KIF16B: variants seen among roughly 807,000 people sequenced by gnomAD.
KIF16B encodes the protein kinesin family member 16B.
In KIF16B, 98 loss-of-function variants were observed where a neutral mutation model predicts 156.3. That is an observed-to-expected ratio of 0.63 (90% CI 0.53 to 0.74). The LOEUF is 0.74. Ranked by LOEUF, KIF16B falls within the 30% of genes least tolerant of loss-of-function variation. The pLI is 0.00. For missense variants in KIF16B, 1,421 were observed against 1,606.5 expected (o/e 0.88, Z 1.97); for synonymous variants, 564 against 583.7 (o/e 0.97, Z 0.49).
chr20:16,505,533 A>T (rs1029880852), intron 9 of KIF16B, among the ~76,000 whole-genome samples, 189 bp downstream of exon 9: 1 of 152,268 alleles, frequency 6.6e-6, no homozygotes, highest in African/African-American at 2.4e-5. Flanking sequence ...GTGGTATAAC[A>T]GTTAATGATG....
At chr20:16,531,644 C>T (rs1488610399) in intron 1 of KIF16B, among the ~76,000 whole-genome samples, 2 of 152,054 alleles carry the variant, frequency 1.3e-5, no homozygotes, top group Admixed American at 6.6e-5. Context: ...GTGGGGGAAT[C>T]GGTAAAATCC....
intron 25 of KIF16B, among the ~76,000 whole-genome samples, chr20:16,276,724 C>T (rs554608292): frequency 3.9e-5 from 6 of 152,116 alleles, no homozygotes; most frequent in Non-Finnish European, 8.8e-5. Flanking sequence ...CAGCTGGGGA[C>T]ACAAGACAGA....
chr20:16,286,972 C>T (rs1280592197), intron 25 of KIF16B, among the ~76,000 whole-genome samples: 1 of 152,182 alleles, frequency 6.6e-6, no homozygotes, highest in East Asian at 1.9e-4. Flanking sequence ...AAAATGCAGG[C>T]CCATAAGTGG....
At chr20:16,495,163 G>C (rs1250145338) in intron 11 of KIF16B, among the ~76,000 whole-genome samples, 2 of 152,132 alleles carry the variant, frequency 1.3e-5, no homozygotes, top group Non-Finnish European at 2.9e-5. Flanking sequence ...CTTCAGAAAG[G>C]GGAGAACTCA....
At chr20:16,402,752 G>A (rs191600223) in intron 17 of KIF16B, among the ~76,000 whole-genome samples, 42 of 152,246 alleles carry the variant, frequency 2.8e-4, no homozygotes, top group South Asian at 1.2e-3. Context: ...CACAGACAGT[G>A]GACAGCCCGA....
At chr20:16,489,721 TC>T (rs2068227380) in intron 12 of KIF16B, among the ~76,000 whole-genome samples, 1 of 148,404 alleles carries the variant, frequency 6.7e-6, no homozygotes, top group African/African-American at 2.5e-5. Flanking sequence ...AATTCAGCAC[TC>T]AAACTTGAAG....
intron 7 of KIF16B, among the ~76,000 whole-genome samples, chr20:16,507,704 T>C (rs549343731): frequency 1.4e-4 from 22 of 152,352 alleles, no homozygotes; most frequent in Non-Finnish European, 3.2e-4. Flanking sequence ...CAAGTTGTTT[T>C]ATGTCTAGAA....
chr20:16,454,605 TAATAAAA>T (rs2067168134), intron 12 of KIF16B, among the ~76,000 whole-genome samples: 2 of 152,072 alleles, frequency 1.3e-5, no homozygotes, highest in Admixed American at 1.3e-4. Flanking sequence ...TTGTAACTAA[TAATAAAA>T]TTACTTAATA....
chr20:16,453,585 A>G lies in KIF16B; in HGVS notation c.1303-23603T>C, dbSNP rs181289809. Among the ~76,000 whole-genome samples the G allele has an allele frequency of 1.3e-4, 20 of 152,318 alleles. No individual in the cohort carries two copies. The South Asian group carries it at 3.7e-3, about 28-fold the overall frequency. ...ATTACTGACAAAAGATCACTACATG[A>G]AGAGCCATGAAAATTATGGGAAAAC... On this transcript the variant is annotated intron_variant, in intron 12 of 25. Transcript: ENST00000354981.
intron 12 of KIF16B, among the ~76,000 whole-genome samples, chr20:16,454,505 GTTGT>G (rs992637175): frequency 2.0e-5 from 3 of 151,628 alleles, no homozygotes; most frequent in African/African-American, 7.3e-5. Flanking sequence ...TACTTTTATT[GTTGT>G]CCCCGTAGAT....
At chr20:16,549,292 T>G (rs1338365340) in intron 1 of KIF16B, among the ~76,000 whole-genome samples, 1 of 151,608 alleles carries the variant, frequency 6.6e-6, no homozygotes, top group Non-Finnish European at 1.5e-5. Flanking sequence ...TATGCGGTGT[T>G]TGGTTTTTCG....
At chr20:16,326,668 A>G (rs529889038) in intron 24 of KIF16B, among the ~76,000 whole-genome samples, 2 of 152,146 alleles carry the variant, frequency 1.3e-5, no homozygotes, top group East Asian at 3.9e-4. Flanking sequence ...AAATCAAAAA[A>G]ATAAAAGATG....
chr20:16,458,611 C>G (rs563079712), intron 12 of KIF16B, among the ~76,000 whole-genome samples: 5 of 151,980 alleles, frequency 3.3e-5, no homozygotes, highest in Non-Finnish European at 2.9e-5. Flanking sequence ...AAACATGAGG[C>G]TTAACAAAAT....
Position 16,509,407 on chromosome 20 carries a change from T to G in KIF16B, c.557-1307A>C, listed in dbSNP as rs146211423. ...ATAACTATTGCAAAATTGTTCTCCA[T>G]AGAGGGCAATTTACACCCAGCAGTA... On this transcript the variant is annotated intron_variant, in intron 6 of 25. Coordinates refer to ENST00000354981, the MANE Select transcript of KIF16B (RefSeq NM_024704.5). Among the ~76,000 whole-genome samples, 9 of 152,296 alleles carry G rather than the reference T, an allele frequency of 5.9e-5. 1 individual carries two copies. The East Asian group carries it at 1.7e-3, about 29-fold the overall frequency.
rs1293691715 is a variant in KIF16B at position 16,378,807 on chromosome 20, C to A, written c.3195G>T (p.Glu1065Asp). 1.2e-6 allele frequency: 2 copies of A among 1,605,304 alleles called. No individual in the cohort carries two copies. Among genetic ancestry groups the A allele is most frequent in the East Asian group, 4.5e-5 (2 of 44,814 alleles). The part of the protein sequence containing the change: ...AEQEALEKDQ[E>D]RLEYEIQQLK... ...ACACCCTTCCTTCCCAATCTCACCT[C>A]TCCTGGTCCTTCTCCAGGGCTTCCT... Residue 1065 changes from glutamate (E) to aspartate (D), a missense_variant and splice_region_variant, in exon 19 of 26, where the codon GAG becomes GAT. By Grantham distance (45) the Glu-to-Asp change is conservative. Transcript: ENST00000354981.
chr20:16,493,540 T>C (rs1224227308), intron 12 of KIF16B, among the ~76,000 whole-genome samples: 2 of 152,178 alleles, frequency 1.3e-5, no homozygotes, highest in Non-Finnish European at 2.9e-5. Context: ...TCAACAGATG[T>C]CAAAAACAAA....
At chr20:16,568,461 C>T (rs2122184383) in intron 1 of KIF16B, among the ~76,000 whole-genome samples, 1 of 152,268 alleles carries the variant, frequency 6.6e-6, no homozygotes, top group South Asian at 2.1e-4. Flanking sequence ...GAATGCCAGG[C>T]TCTGTGTGGA....
At chr20:16,369,095 C>A (rs1315867555) in intron 22 of KIF16B, 1 of 985,734 alleles carries the variant, frequency 1.0e-6, no homozygotes, top group African/African-American at 1.7e-5. Flanking sequence ...TGAGTTCTCT[C>A]TTGTGATGCT....
In KIF16B at chr20:16,567,820, C is replaced by A. The variant is rs184735179; in HGVS notation, c.47+5409G>T. On this transcript the variant is annotated intron_variant, in intron 1 of 25. Transcript: ENST00000354981. Reference sequence around the variant, plus strand: ...AAACAAAATTAGCCGGGCGTGGTGGCGGGCGCCTGTAGTCCCAGCTACTCG... The same window carrying A: ...AAACAAAATTAGCCGGGCGTGGTGGAGGGCGCCTGTAGTCCCAGCTACTCG... Among the ~76,000 whole-genome samples the A allele has an allele frequency of 8.1e-3, 1,234 of 152,186 alleles. 7 individuals are homozygous for A. The highest frequency in any genetic ancestry group is 0.014 in the Non-Finnish European group (933 of 68,004).
Sources: allele counts gnomAD v4.1 joint callset (sites outside exome capture counted in the v4.1 genomes callset), GRCh38; gene constraint gnomAD v4.1.1; transcripts MANE v1.5; gene names NCBI Gene and HGNC (gene_info 2026-07-23, HGNC 2026-07-21).